The following SREBF1 variants were observed in gnomAD, a reference collection of about 807,000 sequenced individuals.
SREBF1 encodes the protein sterol regulatory element binding transcription factor 1.
A neutral mutation model predicts 100.1 loss-of-function variants in SREBF1; 45 were observed. That is an observed-to-expected ratio of 0.45 (90% CI 0.35 to 0.58). The LOEUF (loss-of-function observed/expected upper bound fraction) is 0.58. SREBF1 is among the 20% of genes least tolerant of loss of function. SREBF1 has a pLI of 0.00. For missense variants in SREBF1, 1,324 were observed against 1,539.4 expected (o/e 0.86, Z 2.34); for synonymous variants, 657 against 681.8 (o/e 0.96, Z 0.57).
intron 13 of SREBF1, 49 bp from the exon 14 acceptor site, chr17:17,814,993 G>T: frequency 6.6e-7 from 1 of 1,518,458 alleles, no homozygotes; most frequent in East Asian, 2.4e-5. Flanking sequence ...GGGGTCCTAG[G>T]AGGGTGCTCC....
In SREBF1 at chr17:17,814,227, CCT is replaced by C. The variant is rs755462211; in HGVS notation, c.2901+16_2901+17del. ...CTGAATCCCCCAGCCCTGCCAGGCC[CCT>C]GACCCCACCCCTCACCTTGTCAATG... is the stretch of plus-strand genomic sequence containing the variant. On this transcript the variant is annotated intron_variant, in intron 16 of 18. Transcript: ENST00000261646. 6.3e-6 allele frequency: 10 copies of C among 1,597,442 alleles called. No individual in the cohort carries two copies. The highest frequency in any genetic ancestry group is 4.5e-5 in the East Asian group (2 of 44,558).
intron 1 of SREBF1, among the ~76,000 whole-genome samples, chr17:17,822,019 A>G (rs1392132820): frequency 1.3e-5 from 2 of 152,238 alleles, no homozygotes; most frequent in Non-Finnish European, 2.9e-5. Flanking sequence ...TTATAGAGTC[A>G]GAGACTCAAC....
chr17:17,813,209 T>TCG, intron 18 of SREBF1, 159 bp downstream of exon 18: 1 of 756,474 alleles, frequency 1.3e-6, no homozygotes. Context: ...GCTCAAGCTG[T>TCG]CCTCCCAACT....
rs754006664 is a variant in SREBF1 at position 17,818,281 on chromosome 17, G to A, written c.1162C>T (p.Arg388Cys). The change falls in exon 6 of 19, where the codon CGC (arginine) becomes TGC (cysteine). Residue 388 changes from arginine to cysteine, a missense_variant. Transcript: ENST00000261646. ...QKLKQENLSL[R>C]TAVHKSKSLK... is the part of the protein sequence containing the mutation. ...TCACTGCTTTTGTGGACAGCAGTGC[G>A]CAGACTTAGGTTCTCCTGCTTGAGT... 2.2e-5 allele frequency: 36 copies of A among 1,613,826 alleles called. No individual in the cohort carries two copies. The South Asian group carries it at 2.6e-4, about 12-fold the overall frequency.
intron 12 of SREBF1, 52 bp downstream of exon 12, chr17:17,815,808 A>C: frequency 6.4e-7 from 1 of 1,562,320 alleles, no homozygotes; most frequent in Non-Finnish European, 8.7e-7. Flanking sequence ...GGGACAGGAC[A>C]GGAATGAGGA....
chr17:17,831,512 C>T (rs369205869), intron 1 of SREBF1, among the ~76,000 whole-genome samples: 5 of 152,154 alleles, frequency 3.3e-5, no homozygotes, highest in Admixed American at 2.6e-4. Flanking sequence ...GCAGACATGA[C>T]GGGGTCCAGG....
chr17:17,818,433 G>A, intron 5 of SREBF1, 59 bp from the exon 6 acceptor site: 1 of 1,310,010 alleles, frequency 7.6e-7, no homozygotes, highest in Non-Finnish European at 1.1e-6. Context: ...GGGGGTTGTG[G>A]GGTTGGAGAG....
rs933401209 is a variant in SREBF1 at position 17,814,616 on chromosome 17, C to A, written c.2734G>T (p.Glu912Ter). 1 of 1,541,230 alleles carries A rather than the reference C, an allele frequency of 6.5e-7. No homozygotes were observed. Among genetic ancestry groups the A allele is most frequent in the Non-Finnish European group, 8.7e-7 (1 of 1,148,094 alleles). ...EHLPRVLQES[E>*]RPLPRAALHS... ...AGGAGGAACCTGCCGTGCACTCACT[C>A]AGACTCCTGCAGCACCCGGGGCAGG... The change falls in exon 15 of 19, where the codon GAG becomes TAG. Residue 912 changes from glutamate (E) to a stop codon, truncating the protein, a stop_gained and splice_region_variant. Transcript: ENST00000261646. LOFTEE classifies it high-confidence loss of function.
intron 1 of SREBF1, among the ~76,000 whole-genome samples, chr17:17,829,205 A>AAAAAAAAAATATATATATATAT (rs1210718799): frequency 4.6e-5 from 3 of 65,870 alleles, no homozygotes; most frequent in Admixed American, 1.4e-4. Context: ...AAAAAAAAAA[A>AAAAAAAAAATATATATATATAT]ATATATATAT....
chr17:17,833,246 A>T (rs1259903183), intron 1 of SREBF1, among the ~76,000 whole-genome samples: 1 of 151,128 alleles, frequency 6.6e-6, no homozygotes, highest in South Asian at 2.1e-4. Context: ...ACATGGTGAA[A>T]CCCCATCTCT....
chr17:17,811,936 A>T lies in SREBF1; in HGVS notation c.*686T>A. The T allele has an allele frequency of 2.2e-6, 1 of 447,570 alleles. No individual in the cohort carries two copies. The highest frequency in any genetic ancestry group is 4.5e-6 in the Non-Finnish European group (1 of 224,250). 27.7% of individuals were successfully genotyped at this position (447,570 alleles called of 1,614,324 possible). ...CCCTCCCCACTCCTCCCACTAACAAACAAACATCGGGAAGAGCTAAGTTAA... is the reference window on the plus strand; with the variant it reads ...CCCTCCCCACTCCTCCCACTAACAATCAAACATCGGGAAGAGCTAAGTTAA... On this transcript the variant is annotated 3_prime_UTR_variant, in exon 19 of 19. Transcript: ENST00000261646.
intron 1 of SREBF1, among the ~76,000 whole-genome samples, chr17:17,832,279 A>G (rs2034906168): frequency 6.6e-6 from 1 of 152,172 alleles, no homozygotes; most frequent in Admixed American, 6.5e-5. Context: ...GATTATCAAC[A>G]CACTGTCTGA....
chr17:17,820,630 G>T, intron 1 of SREBF1, 109 bp from the exon 2 acceptor site: 1 of 1,231,370 alleles, frequency 8.1e-7, no homozygotes, highest in Non-Finnish European at 1.2e-6. Context: ...TTGGCACACA[G>T]CTGTATGTGT....
chr17:17,819,935 C>T (rs2033963115), intron 2 of SREBF1, 155 bp downstream of exon 2: 7 of 1,143,652 alleles, frequency 6.1e-6, no homozygotes, highest in Non-Finnish European at 7.2e-6. Context: ...AACAAGCACA[C>T]CAGGACTGCT....
Position 17,819,587 on chromosome 17 carries a change from G to A in SREBF1, c.662C>T (p.Thr221Met), listed in dbSNP as rs913723079. Reference sequence around the variant, plus strand: ...CACAGTGGTCGTTACAGGGGCTGCCGTGGGGGCAGCTGTGACTGTCAGTAG... The same window carrying A: ...CACAGTGGTCGTTACAGGGGCTGCCATGGGGGCAGCTGTGACTGTCAGTAG... ...QQLLTVTAAPTAAPVTTTVTS... is the reference protein window; with the variant it reads ...QQLLTVTAAPMAAPVTTTVTS... The change falls in exon 3 of 19, where the codon ACG (threonine) becomes ATG (methionine). Residue 221 changes from threonine to methionine, a missense_variant. Transcript: ENST00000261646. The A allele has an allele frequency of 2.4e-5, 38 of 1,613,718 alleles. No individual in the cohort carries two copies. Among genetic ancestry groups the A allele is most frequent in the African/African-American group, 8.0e-5 (6 of 74,944 alleles).
chr17:17,817,528 G>A lies in SREBF1; in HGVS notation c.1405-71C>T. ...CAGAGAGCATGGGGCTGGGAAGGGGGGGGTCAGGATTCTGCCCACCTTACT... is the reference window on the plus strand; with the variant it reads ...CAGAGAGCATGGGGCTGGGAAGGGGAGGGTCAGGATTCTGCCCACCTTACT... On this transcript the variant is annotated intron_variant, in intron 7 of 18. Coordinates refer to ENST00000261646, the MANE Select transcript of SREBF1 (RefSeq NM_004176.5). This position sits in a 1 kb window ranked among gnomAD's most constrained non-coding sequence, Gnocchi z 6.6. 6.5e-7 allele frequency: 1 copy of A among 1,540,756 alleles called. No homozygotes were observed. Among genetic ancestry groups the A allele is most frequent in the South Asian group, 1.2e-5 (1 of 84,154 alleles).
intron 12 of SREBF1, chr17:17,815,583 C>T: frequency 3.4e-6 from 2 of 595,570 alleles, no homozygotes. Flanking sequence ...TGAGAAGATG[C>T]CATTGTTGGC....
chr17:17,816,765 T>A (rs1598117471), intron 9 of SREBF1, 47 bp from the exon 10 acceptor site: 2 of 1,567,018 alleles, frequency 1.3e-6, no homozygotes, highest in Admixed American at 1.9e-5. Context: ...TCAGAGCAGC[T>A]GCCCCAAAGC....
In SREBF1 at chr17:17,817,575, G is replaced by A; in HGVS notation, c.1405-118C>T. ...TACTGTGGGACCCCACGTGGCTCCAGGCCTCAGTTATTCTGTCTATGAAAT... is the reference window on the plus strand; with the variant it reads ...TACTGTGGGACCCCACGTGGCTCCAAGCCTCAGTTATTCTGTCTATGAAAT... On this transcript the variant is annotated intron_variant, in intron 7 of 18. Coordinates refer to ENST00000261646, the MANE Select transcript of SREBF1 (RefSeq NM_004176.5). This position sits in a 1 kb window ranked among gnomAD's most constrained non-coding sequence, Gnocchi z 6.6. The A allele has an allele frequency of 6.5e-7, 1 of 1,529,370 alleles. No individual in the cohort carries two copies. Among genetic ancestry groups the A allele is most frequent in the Non-Finnish European group, 8.9e-7 (1 of 1,122,316 alleles). The allele number at this position is 1,529,370 out of a possible 1,614,324, so 94.7% of individuals were successfully genotyped here.
Sources: allele counts gnomAD v4.1 joint callset (sites outside exome capture counted in the v4.1 genomes callset), GRCh38; gene constraint gnomAD v4.1.1; non-coding constraint Gnocchi (gnomAD v3.1); transcripts MANE v1.5; gene names NCBI Gene and HGNC (gene_info 2026-07-23, HGNC 2026-07-21).